BRINP3: variants seen among roughly 807,000 people sequenced by gnomAD.
BRINP3 encodes BMP/retinoic acid-inducible neural-specific protein 3.
A neutral mutation model predicts 71.0 loss-of-function variants in BRINP3; 19 were observed. The observed-to-expected ratio is 0.27, with a 90% CI of 0.19 to 0.39. The LOEUF is 0.39. Ranked by LOEUF, BRINP3 falls within the 10% of genes least tolerant of loss-of-function variation. BRINP3 has a pLI of 1.00. For synonymous variants in BRINP3, 380 were observed against 337.7 expected, an observed-to-expected ratio of 1.13 and a Z score of -1.37; for missense variants, 959 against 940.8, an observed-to-expected ratio of 1.02 and a Z score of -0.25.
intron 2 of BRINP3, among the ~76,000 whole-genome samples, chr1:190,452,990 A>G (rs1675721915): frequency 1.3e-5 from 2 of 152,152 alleles, no homozygotes; most frequent in African/African-American, 2.4e-5. Context: ...AATCACGGAG[A>G]CATGCTCTGG....
intron 2 of BRINP3, among the ~76,000 whole-genome samples, chr1:190,315,755 A>T (rs1309646401): frequency 6.6e-6 from 1 of 152,144 alleles, no homozygotes; most frequent in Non-Finnish European, 1.5e-5. Context: ...TTTGTCTCTC[A>T]TGCAGTGGAT....
chr1:190,318,958 T>A (rs571542379), intron 2 of BRINP3, among the ~76,000 whole-genome samples: 5 of 152,220 alleles, frequency 3.3e-5, no homozygotes, highest in Non-Finnish European at 7.4e-5. Context: ...TATCTTTCAC[T>A]TATTTTATGA....
At chr1:190,337,561 C>T (rs1368300606) in intron 2 of BRINP3, among the ~76,000 whole-genome samples, 1 of 151,904 alleles carries the variant, frequency 6.6e-6, no homozygotes, top group African/African-American at 2.4e-5. Context: ...TGCTTCCTGC[C>T]CTCGAACATC....
At chr1:190,373,939 A>C (rs1427491300) in intron 2 of BRINP3, among the ~76,000 whole-genome samples, 1 of 151,038 alleles carries the variant, frequency 6.6e-6, no homozygotes, top group Non-Finnish European at 1.5e-5. Context: ...GAGGCAGTGT[A>C]GTGTAGCGTA....
chr1:190,156,873 T>A (rs1296184817), intron 7 of BRINP3, among the ~76,000 whole-genome samples: 1 of 152,102 alleles, frequency 6.6e-6, no homozygotes, highest in Non-Finnish European at 1.5e-5. Flanking sequence ...ACGCTCCCAG[T>A]TTGAACTGGG....
chr1:190,194,864 T>G (rs1891586), intron 6 of BRINP3, among the ~76,000 whole-genome samples: 31,831 of 151,984 alleles, frequency 0.21, 3,653 homozygotes, highest in Middle Eastern at 0.31. Flanking sequence ...GATTTGTCTG[T>G]TCTGGAAGAT....
At chr1:190,108,634 A>G (rs1294055106) in intron 7 of BRINP3, among the ~76,000 whole-genome samples, 1 of 149,156 alleles carries the variant, frequency 6.7e-6, no homozygotes, top group Non-Finnish European at 1.5e-5. Context: ...TGGCCACATT[A>G]TTTTCCAGAT....
At chr1:190,246,798 G>A (rs931544496) in intron 4 of BRINP3, among the ~76,000 whole-genome samples, 3 of 151,836 alleles carry the variant, frequency 2.0e-5, no homozygotes, top group Non-Finnish European at 4.4e-5. Context: ...TGTAACTGTT[G>A]TGCCTTCTAC....
At chr1:190,175,566 T>C (rs1652427893) in intron 6 of BRINP3, among the ~76,000 whole-genome samples, 1 of 152,160 alleles carries the variant, frequency 6.6e-6, no homozygotes, top group Admixed American at 6.6e-5. Flanking sequence ...GAAATGCTGC[T>C]GCTTCTCTGT....
chr1:190,379,054 A>G (rs541011373), intron 2 of BRINP3, among the ~76,000 whole-genome samples: 1 of 152,340 alleles, frequency 6.6e-6, no homozygotes. Flanking sequence ...AAACAGAGCA[A>G]AATCTCAAAC....
intron 2 of BRINP3, among the ~76,000 whole-genome samples, chr1:190,312,073 ATATG>A (rs1553287441): frequency 1.4e-5 from 2 of 139,642 alleles, no homozygotes; most frequent in Admixed American, 7.2e-5. Context: ...ATATATATAT[ATATG>A]TATTTCTAAG....
intron 2 of BRINP3, among the ~76,000 whole-genome samples, chr1:190,329,756 G>T (rs545440489): frequency 6.6e-6 from 1 of 151,718 alleles, no homozygotes; most frequent in African/African-American, 2.4e-5. Context: ...ACTATACTAC[G>T]AGGCCACAGT....
intron 6 of BRINP3, among the ~76,000 whole-genome samples, chr1:190,216,482 G>A (rs775216244): frequency 6.6e-6 from 1 of 151,674 alleles, no homozygotes; most frequent in Non-Finnish European, 1.5e-5. Flanking sequence ...TATAAATATT[G>A]TTATTAGAGT....
At chr1:190,198,743 T>C (rs1156297372) in intron 6 of BRINP3, among the ~76,000 whole-genome samples, 1 of 152,158 alleles carries the variant, frequency 6.6e-6, no homozygotes, top group Non-Finnish European at 1.5e-5. Flanking sequence ...ATTGTTCATA[T>C]CACTATCAAC....
At chr1:190,327,487 G>GAAAAAAAAAAA (rs59406863) in intron 2 of BRINP3, among the ~76,000 whole-genome samples, 1 of 126,824 alleles carries the variant, frequency 7.9e-6, no homozygotes, top group African/African-American at 2.9e-5. Context: ...CAAACAAAAA[G>GAAAAAAAAAAA]AAAAAAAAAA....
At chr1:190,240,148 C>G (rs1164374693) in intron 4 of BRINP3, among the ~76,000 whole-genome samples, 1 of 151,650 alleles carries the variant, frequency 6.6e-6, no homozygotes, top group Non-Finnish European at 1.5e-5. Flanking sequence ...ATGCACTATT[C>G]CAAACCATAT....
intron 2 of BRINP3, among the ~76,000 whole-genome samples, chr1:190,291,125 C>T (rs577811675): frequency 6.6e-6 from 1 of 152,090 alleles, no homozygotes; most frequent in African/African-American, 2.4e-5. Flanking sequence ...ACTAGCTACC[C>T]AGGAAACAGA....
chr1:190,459,433 A>C (rs1233643285), intron 1 of BRINP3, among the ~76,000 whole-genome samples: 1 of 151,880 alleles, frequency 6.6e-6, no homozygotes, highest in Non-Finnish European at 1.5e-5. Flanking sequence ...ATAAATATTG[A>C]AATTTATGAA....
chr1:190,259,356 A>C (rs1660962294), intron 4 of BRINP3, among the ~76,000 whole-genome samples: 1 of 151,798 alleles, frequency 6.6e-6, no homozygotes, highest in Admixed American at 6.6e-5. Flanking sequence ...CAACTAATGT[A>C]ATAAATCATG....
Sources: gnomAD v4.1 joint callset for allele counts (sites outside exome capture counted in the v4.1 genomes callset) on GRCh38, gnomAD v4.1.1 for gene constraint, MANE v1.5 for transcripts, NCBI Gene and HGNC (gene_info 2026-07-23, HGNC 2026-07-21) for gene names.